CACNB4: variants seen among roughly 807,000 people sequenced by gnomAD.
CACNB4 encodes calcium voltage-gated channel auxiliary subunit beta 4, also known as voltage-dependent L-type calcium channel subunit beta-4.
In CACNB4, 32 loss-of-function variants were observed where a neutral mutation model predicts 71.2. The observed-to-expected ratio is 0.45, with a 90% CI of 0.34 to 0.60. The LOEUF (loss-of-function observed/expected upper bound fraction) is 0.60, where lower values mean the gene tolerates loss of function less well. Among genes scored for constraint, CACNB4 ranks in the 20% least tolerant of loss-of-function variants. The pLI, the probability that CACNB4 is intolerant of heterozygous loss-of-function variation, is 0.01. For missense variants in CACNB4, 464 were observed against 647.9 expected (o/e 0.72, Z 3.08); for synonymous variants, 231 against 236.9 (o/e 0.97, Z 0.23).
rs540116311 is a variant in CACNB4 at position 152,082,003 on chromosome 2, A to C, written c.147+16327T>G. On this transcript the variant is annotated intron_variant, in intron 2 of 13. Coordinates refer to ENST00000539935, the MANE Select transcript of CACNB4 (RefSeq NM_000726.5). Reference sequence around the variant, plus strand: ...AATATGGCAACTTGTGTTATTCTTTATTATAGATTTAAAGCCCCATTAGCT... The same window carrying C: ...AATATGGCAACTTGTGTTATTCTTTCTTATAGATTTAAAGCCCCATTAGCT... 6.6e-5 allele frequency among the ~76,000 whole-genome samples: 10 copies of C among 152,306 alleles called. No homozygotes were observed. The South Asian group carries it at 2.1e-3, about 32-fold the overall frequency.
intron 2 of CACNB4, among the ~76,000 whole-genome samples, chr2:152,004,526 C>T (rs1682608835): frequency 1.5e-4 from 1 of 6,476 alleles, no homozygotes; most frequent in East Asian, 5.3e-3. Flanking sequence ...CCCTACTTTA[C>T]ATACATACAC....
intron 2 of CACNB4, among the ~76,000 whole-genome samples, chr2:151,998,622 C>T (rs1682211437): frequency 6.6e-6 from 1 of 152,148 alleles, no homozygotes; most frequent in South Asian, 2.1e-4. Context: ...TGCTTATTAT[C>T]CTTCCTCTCA....
chr2:151,870,276 C>A, intron 8 of CACNB4: 3 of 702,962 alleles, frequency 4.3e-6, no homozygotes, highest in Non-Finnish European at 7.8e-6. Context: ...AATCTTTGAC[C>A]AGATCTTCCC....
intron 2 of CACNB4, chr2:151,968,202 A>G (rs2099871641): frequency 6.6e-6 from 1 of 151,922 alleles, no homozygotes; most frequent in South Asian, 2.1e-4. Flanking sequence ...GCAGTGCCCC[A>G]GCCTCCTGTG....
At chr2:151,987,872 T>C (rs1217566449) in intron 2 of CACNB4, among the ~76,000 whole-genome samples, 1 of 152,234 alleles carries the variant, frequency 6.6e-6, no homozygotes, top group Non-Finnish European at 1.5e-5. Flanking sequence ...TCCGTCACCA[T>C]GTATCATTTT....
At chr2:151,895,618 A>G (rs1049892582) in intron 2 of CACNB4, among the ~76,000 whole-genome samples, 5 of 152,148 alleles carry the variant, frequency 3.3e-5, no homozygotes, top group Non-Finnish European at 5.9e-5. Context: ...AAACAAAAAC[A>G]TTATAAATCT....
chr2:151,866,551 A>T (rs1457294017), intron 9 of CACNB4: 2 of 152,230 alleles, frequency 1.3e-5, no homozygotes, highest in African/African-American at 4.8e-5. Flanking sequence ...GCATGATGTT[A>T]TAGCTCAAAA....
intron 5 of CACNB4, among the ~76,000 whole-genome samples, chr2:151,875,917 C>T (rs1358892926): frequency 3.3e-5 from 4 of 121,394 alleles, no homozygotes; most frequent in East Asian, 2.8e-4. Flanking sequence ...CCAGTAGGGG[C>T]GGCCGGGCAG....
intron 2 of CACNB4, among the ~76,000 whole-genome samples, chr2:151,999,624 CG>C (rs576715686): frequency 3.3e-5 from 5 of 152,080 alleles, no homozygotes; most frequent in Non-Finnish European, 7.4e-5. Flanking sequence ...CAGCCAGAGC[CG>C]AGAGCCAATG....
intron 2 of CACNB4, among the ~76,000 whole-genome samples, chr2:152,031,056 C>A (rs779279163): frequency 3.3e-5 from 5 of 152,064 alleles, no homozygotes; most frequent in African/African-American, 1.2e-4. Context: ...GGTATTGCCA[C>A]GGGACTAGCA....
intron 2 of CACNB4, among the ~76,000 whole-genome samples, chr2:152,044,493 CAGGCGTG>C (rs1353732148): frequency 6.6e-6 from 1 of 152,218 alleles, no homozygotes; most frequent in Non-Finnish European, 1.5e-5. Flanking sequence ...GCTGGGATTA[CAGGCGTG>C]AGCCACCGCA....
At chr2:152,050,923 C>G (rs886161598) in intron 2 of CACNB4, among the ~76,000 whole-genome samples, 2 of 151,990 alleles carry the variant, frequency 1.3e-5, no homozygotes, top group Non-Finnish European at 2.9e-5. Context: ...TACAGGTGCA[C>G]GTCACCACAT....
chr2:152,081,794 C>A (rs1474800877), intron 2 of CACNB4, among the ~76,000 whole-genome samples: 2 of 152,206 alleles, frequency 1.3e-5, no homozygotes, highest in Non-Finnish European at 2.9e-5. Flanking sequence ...GTTAATGTTA[C>A]TTAAAAACAG....
intron 2 of CACNB4, among the ~76,000 whole-genome samples, chr2:152,012,169 A>G (rs13416880): frequency 0.21 from 31,301 of 151,548 alleles, 3,398 homozygotes; most frequent in Middle Eastern, 0.39. Context: ...AGAAGAAGGC[A>G]TCATTGTCAT....
chr2:151,860,560 C>T (rs1404034339), intron 10 of CACNB4, 151 bp downstream of exon 10: 8 of 660,152 alleles, frequency 1.2e-5, no homozygotes, highest in African/African-American at 5.5e-5. Flanking sequence ...GACTCTGCTG[C>T]CTTCTTGTCC....
intron 2 of CACNB4, among the ~76,000 whole-genome samples, chr2:152,028,296 C>T (rs183443801): frequency 3.7e-4 from 56 of 152,310 alleles, no homozygotes; most frequent in Admixed American, 1.3e-3. Flanking sequence ...AAAAGCTGCA[C>T]TACAAAATTT....
chr2:151,973,820 G>C, intron 2 of CACNB4: 1 of 1,518,718 alleles, frequency 6.6e-7, no homozygotes, highest in Non-Finnish European at 8.8e-7. Flanking sequence ...AACTGCGCCT[G>C]CCTTATCAAT....
chr2:152,019,020 G>T (rs1579139908), intron 2 of CACNB4, among the ~76,000 whole-genome samples: 2 of 152,186 alleles, frequency 1.3e-5, no homozygotes, highest in South Asian at 2.1e-4. Flanking sequence ...GGTATCTGGG[G>T]GCCAGGAGAG....
At chr2:152,088,348 C>A (rs184951378) in intron 2 of CACNB4, among the ~76,000 whole-genome samples, 1 of 152,284 alleles carries the variant, frequency 6.6e-6, no homozygotes, top group East Asian at 1.9e-4. Context: ...GCACAAGTTA[C>A]TATGCATTTC....
Sources: gnomAD v4.1 joint callset for allele counts (sites outside exome capture counted in the v4.1 genomes callset) on GRCh38, gnomAD v4.1.1 for gene constraint, MANE v1.5 for transcripts, NCBI Gene and HGNC (gene_info 2026-07-23, HGNC 2026-07-21) for gene names.